Variants in TPRG1 observed in about 807,000 individuals in gnomAD.
TPRG1 encodes tumor protein p63-regulated gene 1 protein.
In TPRG1, 29 loss-of-function variants were observed where a neutral mutation model predicts 29.3. That is an observed-to-expected ratio of 0.99 (90% confidence interval 0.74 to 1.35). TPRG1 has a LOEUF of 1.35. Among genes scored for constraint, TPRG1 ranks in the 40% most tolerant of loss-of-function variants. TPRG1 has a pLI of 0.00. For missense variants in TPRG1, 327 were observed against 335.0 expected (o/e 0.98, Z 0.19); for synonymous variants, 130 against 116.8 (o/e 1.11, Z -0.73).
At chr3:189,277,475 T>C (rs1379303499) in intron 4 of TPRG1, among the ~76,000 whole-genome samples, 3 of 152,114 alleles carry the variant, frequency 2.0e-5, no homozygotes, top group African/African-American at 7.2e-5. Context: ...TACAGCTCTA[T>C]GCTATTAGAA....
intron 4 of TPRG1, among the ~76,000 whole-genome samples, chr3:189,252,028 G>C: frequency 6.6e-6 from 1 of 152,180 alleles, no homozygotes; most frequent in East Asian, 1.9e-4. Context: ...CCTAGGCAGA[G>C]GTCCCTGCGG....
At chr3:189,116,909 G>T (rs560672835) in intron 1 of TPRG1, among the ~76,000 whole-genome samples, 147 of 152,058 alleles carry the variant, frequency 9.7e-4, no homozygotes, top group African/African-American at 3.5e-3. Context: ...ACCTAAAAGT[G>T]GTAAAGATGG....
upstream of TPRG1, among the ~76,000 whole-genome samples, chr3:189,170,032 T>C (rs1023409856): frequency 1.4e-4 from 21 of 152,204 alleles, no homozygotes; most frequent in South Asian, 2.1e-4. Context: ...GTGTGAACAA[T>C]TGATGTCTTT....
intron 1 of TPRG1, among the ~76,000 whole-genome samples, chr3:189,000,200 C>T (rs577707633): frequency 6.6e-6 from 1 of 152,174 alleles, no homozygotes; most frequent in African/African-American, 2.4e-5. Context: ...TGATTTGTAG[C>T]AGTGTTTACC....
chr3:189,066,390 G>A (rs556742422), intron 4 of TPRG1, among the ~76,000 whole-genome samples: 7 of 151,914 alleles, frequency 4.6e-5, no homozygotes, highest in African/African-American at 9.6e-5. Flanking sequence ...GGCCAATATC[G>A]CTAATAAACA....
At chr3:189,122,200 T>A (rs1024703440) in intron 1 of TPRG1, among the ~76,000 whole-genome samples, 1 of 152,180 alleles carries the variant, frequency 6.6e-6, no homozygotes, top group Non-Finnish European at 1.5e-5. Context: ...TTAGTCAGCA[T>A]GTTCTTACTC....
In TPRG1 at chr3:189,198,817, C is replaced by G. The variant is rs12491113; in HGVS notation, c.-9-8559C>G. On this transcript the variant is annotated intron_variant, in intron 1 of 5. Coordinates refer to ENST00000345063, the MANE Select transcript of TPRG1 (RefSeq NM_198485.4). ...CACGGGAGTCAAGAACTCAAGTGCT[C>G]TCATAACCCAGACTGGATGAGTGGT... Among the ~76,000 whole-genome samples, 345 of 152,122 alleles carry G rather than the reference C, an allele frequency of 2.3e-3. 2 individuals are homozygous for G. The highest frequency in any genetic ancestry group is 7.9e-3 in the African/African-American group (327 of 41,434).
chr3:189,274,858 CT>C (rs905253911), intron 4 of TPRG1, among the ~76,000 whole-genome samples: 257 of 148,706 alleles, frequency 1.7e-3, no homozygotes, highest in African/African-American at 6.0e-3. Context: ...TTGACCTGTG[CT>C]TTTTTTTTCT....
chr3:189,210,504 A>G (rs2108818230), intron 2 of TPRG1, among the ~76,000 whole-genome samples: 1 of 145,438 alleles, frequency 6.9e-6, no homozygotes, highest in East Asian at 1.9e-4. Flanking sequence ...ATTGAAATCT[A>G]TGAAAGAGTC....
intron 4 of TPRG1, among the ~76,000 whole-genome samples, chr3:189,260,980 C>G (rs564160076): frequency 6.6e-6 from 1 of 152,266 alleles, no homozygotes; most frequent in South Asian, 2.1e-4. Flanking sequence ...GAAACCGGCT[C>G]GTGGCCCGGG....
upstream of TPRG1, among the ~76,000 whole-genome samples, chr3:189,171,008 C>G (rs1056722406): frequency 6.6e-6 from 1 of 152,224 alleles, no homozygotes; most frequent in African/African-American, 2.4e-5. Context: ...CAATCATACA[C>G]ATAACAGCAT....
chr3:189,188,004 G>T (rs1191188848), intron 1 of TPRG1, among the ~76,000 whole-genome samples: 2 of 152,190 alleles, frequency 1.3e-5, no homozygotes, highest in Admixed American at 1.3e-4. Flanking sequence ...ATAATAAGTT[G>T]TCTGGTTCAG....
At chr3:189,289,353 T>G (rs1718610333) in intron 4 of TPRG1, among the ~76,000 whole-genome samples, 1 of 152,076 alleles carries the variant, frequency 6.6e-6, no homozygotes, top group Non-Finnish European at 1.5e-5. Flanking sequence ...CTTTGCCACA[T>G]TTCTCAAACC....
intron 3 of TPRG1, among the ~76,000 whole-genome samples, chr3:189,137,207 T>C (rs1212866542): frequency 6.6e-6 from 1 of 151,862 alleles, no homozygotes; most frequent in African/African-American, 2.4e-5. Flanking sequence ...GAAAATAATG[T>C]CAATGAAAAC....
intron 5 of TPRG1, among the ~76,000 whole-genome samples, chr3:189,161,473 TA>T (rs10715154): frequency 0.51 from 76,304 of 149,742 alleles, 20,748 homozygotes; most frequent in African/African-American, 0.74. Flanking sequence ...TCTTTTTTTT[TA>T]TTATTATTAT....
At chr3:189,031,269 C>T (rs1466226566) in intron 4 of TPRG1, among the ~76,000 whole-genome samples, 6 of 143,380 alleles carry the variant, frequency 4.2e-5, no homozygotes, top group Non-Finnish European at 9.1e-5. Context: ...CCAGCCTGGG[C>T]GACAGAGCGA....
At chr3:189,221,253 AC>A in intron 3 of TPRG1, among the ~76,000 whole-genome samples, 1 of 152,340 alleles carries the variant, frequency 6.6e-6, no homozygotes, top group African/African-American at 2.4e-5. Flanking sequence ...CTTCACAGTA[AC>A]AGTCTGAGGT....
chr3:189,203,087 T>G (rs1264864877), intron 1 of TPRG1, among the ~76,000 whole-genome samples: 1 of 152,186 alleles, frequency 6.6e-6, no homozygotes, highest in Non-Finnish European at 1.5e-5. Context: ...AAAGTTGAAC[T>G]AAACAATAAC....
intron 1 of TPRG1, among the ~76,000 whole-genome samples, chr3:189,107,766 A>G (rs970766960): frequency 1.3e-5 from 2 of 152,182 alleles, no homozygotes; most frequent in Non-Finnish European, 2.9e-5. Context: ...AGCATTATTT[A>G]CCTTGTAGCC....
Sources: gnomAD v4.1 joint callset for allele counts (sites outside exome capture counted in the v4.1 genomes callset) on GRCh38, gnomAD v4.1.1 for gene constraint, MANE v1.5 for transcripts, NCBI Gene and HGNC (gene_info 2026-07-23, HGNC 2026-07-21) for gene names.